BCL2L14: variants seen among roughly 807,000 people sequenced by gnomAD.
BCL2L14 encodes the protein BCL2 like 14.
In BCL2L14, 27 loss-of-function variants were observed where a neutral mutation model predicts 35.3. The ratio of observed to expected loss-of-function variants is 0.76; its 90% CI spans 0.56 to 1.05. The LOEUF is 1.05. Ranked by LOEUF, BCL2L14 falls within the 50% of genes least tolerant of loss-of-function variation. The pLI, the probability that BCL2L14 is intolerant of heterozygous loss-of-function variation, is 0.00. For missense variants in BCL2L14, 377 were observed against 382.6 expected (o/e 0.99, Z 0.12); for synonymous variants, 139 against 145.9 (o/e 0.95, Z 0.34).
intron 2 of BCL2L14, among the ~76,000 whole-genome samples, chr12:12,085,274 G>C (rs1306829810): frequency 6.6e-6 from 1 of 152,118 alleles, no homozygotes; most frequent in Non-Finnish European, 1.5e-5. Flanking sequence ...AGAACCGCAT[G>C]CTGATTACCC....
At chr12:12,089,526 T>C (rs766701579) in intron 3 of BCL2L14, among the ~76,000 whole-genome samples, 4 of 151,854 alleles carry the variant, frequency 2.6e-5, no homozygotes, top group Non-Finnish European at 4.4e-5. Context: ...CAAAACCCTA[T>C]CTCTACTAAA....
chr12:12,082,726 T>C (rs752951977), intron 2 of BCL2L14, among the ~76,000 whole-genome samples: 12 of 152,168 alleles, frequency 7.9e-5, no homozygotes, highest in African/African-American at 2.7e-4. Flanking sequence ...ATATTCTCCA[T>C]AAAAAATGAA....
intron 2 of BCL2L14, among the ~76,000 whole-genome samples, chr12:12,052,865 T>A (rs2136705210): frequency 6.6e-6 from 1 of 152,346 alleles, no homozygotes; most frequent in Middle Eastern, 3.4e-3. Flanking sequence ...GGAGTATACG[T>A]CTGAGCATTC....
chr12:12,080,380 G>A (rs1489337710), intron 2 of BCL2L14, among the ~76,000 whole-genome samples: 1 of 152,038 alleles, frequency 6.6e-6, no homozygotes, highest in Admixed American at 6.6e-5. Context: ...CAGCACTTTG[G>A]AAGGTTGAGG....
At chr12:12,058,642 CA>C (rs1296477365) in intron 2 of BCL2L14, among the ~76,000 whole-genome samples, 2 of 151,992 alleles carry the variant, frequency 1.3e-5, no homozygotes, top group Admixed American at 6.6e-5. Flanking sequence ...TTTACCTACC[CA>C]AATCCTATAA....
rs1161794382 is a variant in BCL2L14 at position 12,081,377 on chromosome 12, C to A, written c.433+1639C>A. ...GGCTGAGGTGGAAGGATCACTTGAGCTCAGGAGGTCAAGGCTGCAGTGAGC... is the reference window on the plus strand; with the variant it reads ...GGCTGAGGTGGAAGGATCACTTGAGATCAGGAGGTCAAGGCTGCAGTGAGC... On this transcript the variant is annotated intron_variant, in intron 2 of 5. Transcript: ENST00000308721. 6.6e-5 allele frequency among the ~76,000 whole-genome samples: 10 copies of A among 151,196 alleles called. No homozygotes were observed. In the East Asian group the frequency reaches 1.9e-3, roughly 29 times the overall value.
chr12:12,079,185 A>C, intron 1 of BCL2L14, 114 bp from the exon 2 acceptor site: 1 of 911,210 alleles, frequency 1.1e-6, no homozygotes, highest in Non-Finnish European at 1.7e-6. Context: ...CCTCCAGCAC[A>C]AACACAATAG....
intron 2 of BCL2L14, among the ~76,000 whole-genome samples, chr12:12,082,839 T>TTTACTTGTG (rs542490915): frequency 1.2e-3 from 180 of 152,338 alleles, no homozygotes; most frequent in Non-Finnish European, 2.4e-3. Context: ...TTGTGTGTTT[T>TTTACTTGTG]TTACTTGTGT....
At chr12:12,079,259 C>T (rs765970031) in intron 1 of BCL2L14, 40 bp from the exon 2 acceptor site, 9 of 1,540,860 alleles carry the variant, frequency 5.8e-6, no homozygotes, top group African/African-American at 4.1e-5. Context: ...GGGTAAGTGG[C>T]CCTGCATAGA....
chr12:12,097,190 C>T (rs1949333938), intron 5 of BCL2L14, among the ~76,000 whole-genome samples: 1 of 152,076 alleles, frequency 6.6e-6, no homozygotes, highest in Non-Finnish European at 1.5e-5. Flanking sequence ...AGTTCCACTC[C>T]TGGATATATA....
chr12:12,097,481 TAGGCAAATG>T (rs1224244782), intron 5 of BCL2L14, among the ~76,000 whole-genome samples: 2 of 152,164 alleles, frequency 1.3e-5, no homozygotes, highest in Non-Finnish European at 2.9e-5. Flanking sequence ...GTGTCCAGAA[TAGGCAAATG>T]TATAGATACA....
At chr12:12,087,750 C>T (rs1949079327) in intron 3 of BCL2L14, among the ~76,000 whole-genome samples, 1 of 152,240 alleles carries the variant, frequency 6.6e-6, no homozygotes, top group Non-Finnish European at 1.5e-5. Context: ...GTTGGAGCGT[C>T]AAGCCAGGGA....
chr12:12,062,481 C>T (rs1332440101), intron 2 of BCL2L14, among the ~76,000 whole-genome samples: 1 of 151,324 alleles, frequency 6.6e-6, no homozygotes, highest in East Asian at 1.9e-4. Flanking sequence ...TCGTGGAAAT[C>T]TATCCTCAAG....
At chr12:12,057,416 A>G (rs1948448809) in intron 2 of BCL2L14, among the ~76,000 whole-genome samples, 2 of 152,062 alleles carry the variant, frequency 1.3e-5, no homozygotes, top group South Asian at 4.1e-4. Flanking sequence ...AAATCTTTCC[A>G]TTTTTCCCTA....
chr12:12,081,209 G>C (rs1195250168), intron 2 of BCL2L14, among the ~76,000 whole-genome samples: 1 of 152,004 alleles, frequency 6.6e-6, no homozygotes, highest in Non-Finnish European at 1.5e-5. Context: ...AGCACTGTGG[G>C]AAACCAAGGC....
At chr12:12,058,706 C>A (rs1948471628) in intron 2 of BCL2L14, among the ~76,000 whole-genome samples, 1 of 152,164 alleles carries the variant, frequency 6.6e-6, no homozygotes, top group South Asian at 2.1e-4. Context: ...CTCAGCCCGC[C>A]TGCACCCAGG....
At chr12:12,098,662 A>T (rs1949366254) in intron 5 of BCL2L14, among the ~76,000 whole-genome samples, 1 of 152,150 alleles carries the variant, frequency 6.6e-6, no homozygotes, top group Non-Finnish European at 1.5e-5. Context: ...ATAGTCATTG[A>T]CCTTTCAGTA....
intron 5 of BCL2L14, among the ~76,000 whole-genome samples, chr12:12,097,668 T>C (rs183587204): frequency 6.6e-6 from 1 of 152,222 alleles, no homozygotes. Flanking sequence ...AATTAGTGAA[T>C]TTTATAGCAT....
chr12:12,072,876 G>GT (rs11331613), intron 1 of BCL2L14, among the ~76,000 whole-genome samples: 172 of 148,786 alleles, frequency 1.2e-3, no homozygotes, highest in African/African-American at 2.7e-3. Flanking sequence ...GTGTGGGTGG[G>GT]TTTTTTTTTT....
Sources: allele counts gnomAD v4.1 joint callset (sites outside exome capture counted in the v4.1 genomes callset), GRCh38; gene constraint gnomAD v4.1.1; transcripts MANE v1.5; gene names NCBI Gene and HGNC (gene_info 2026-07-23, HGNC 2026-07-21).